Variants in GLB1 observed in about 807,000 individuals in gnomAD.
The protein encoded by GLB1 is galactosidase beta 1.
GLB1 carries 56 observed loss-of-function variants against 74.0 expected under a neutral mutation model. The observed-to-expected ratio is 0.76, with a 90% CI of 0.61 to 0.94. The LOEUF (loss-of-function observed/expected upper bound fraction) is 0.94, where lower values mean the gene tolerates loss of function less well. Among genes scored for constraint, GLB1 ranks in the 40% least tolerant of loss-of-function variants. The pLI is 0.00. For missense variants in GLB1, 787 were observed against 845.5 expected (o/e 0.93, Z 0.86); for synonymous variants, 323 against 323.6 (o/e 1.00, Z 0.02).
the GLB1 span, among the ~76,000 whole-genome samples, chr3:32,979,638 C>G: frequency 6.6e-6 from 1 of 151,272 alleles, no homozygotes; most frequent in East Asian, 1.9e-4. Context: ...GGATTTCTTG[C>G]GAATAAGACT....
chr3:32,964,600 T>G, the GLB1 span, among the ~76,000 whole-genome samples: 1 of 152,260 alleles, frequency 6.6e-6, no homozygotes, highest in Non-Finnish European at 1.5e-5. Flanking sequence ...GTCTGATTGA[T>G]GTCTAGGTAC....
rs909939877 is a variant in GLB1 at position 33,092,165 on chromosome 3, G to A, written c.75+4846C>T. ...ATGGCGCCCACCGTTCTTCTCCCCT[G>A]ACCTTGCCCCCAAAGGCCCAGGAGC... On this transcript the variant is annotated intron_variant, in intron 1 of 15. Coordinates refer to ENST00000307363, the MANE Select transcript of GLB1 (RefSeq NM_000404.4). 1.7e-5 allele frequency: 17 copies of A among 985,508 alleles called. No individual in the cohort carries two copies. In the East Asian group the frequency reaches 1.1e-3, roughly 66 times the overall value. 61.0% of individuals were successfully genotyped at this position (985,508 alleles called of 1,614,324 possible). A position where few individuals can be genotyped will look rare whatever the true frequency, so the allele number is the denominator to read the frequency against.
intron 1 of GLB1, among the ~76,000 whole-genome samples, chr3:33,087,048 AAAAAG>A (rs1408169436): frequency 6.6e-6 from 1 of 152,112 alleles, no homozygotes; most frequent in African/African-American, 2.4e-5. Context: ...TAGATTTAAA[AAAAAG>A]AAGATATAAA....
intron 10 of GLB1, among the ~76,000 whole-genome samples, chr3:33,044,691 T>A (rs1698670445): frequency 6.6e-6 from 1 of 152,154 alleles, no homozygotes; most frequent in South Asian, 2.1e-4. Context: ...TTTTTATATT[T>A]AAAAAATTTG....
At chr3:33,018,596 T>C (rs1367928310) in intron 12 of GLB1, 35 bp from the exon 13 acceptor site, 1 of 1,605,746 alleles carries the variant, frequency 6.2e-7, no homozygotes. Flanking sequence ...AATACATCAC[T>C]ATTGCCATTC....
At chr3:33,077,714 A>T (rs1456353909) in intron 1 of GLB1, among the ~76,000 whole-genome samples, 1 of 150,152 alleles carries the variant, frequency 6.7e-6, no homozygotes, top group African/African-American at 2.5e-5. Context: ...AGCCAATGGT[A>T]CGTTTTGATT....
intron 12 of GLB1, among the ~76,000 whole-genome samples, chr3:33,019,656 C>T (rs1254931496): frequency 1.3e-5 from 2 of 152,164 alleles, no homozygotes; most frequent in Non-Finnish European, 2.9e-5. Flanking sequence ...ACCTCCCGCC[C>T]AGGCTCCACA....
chr3:33,096,697 C>T (rs1701044822), intron 1 of GLB1: 2 of 1,187,662 alleles, frequency 1.7e-6, no homozygotes, highest in African/African-American at 3.2e-5. Flanking sequence ...GGAAAGCCAA[C>T]TTAGGAAATG....
At chr3:33,080,278 C>T (rs766980681) in intron 1 of GLB1, among the ~76,000 whole-genome samples, 2 of 152,138 alleles carry the variant, frequency 1.3e-5, no homozygotes, top group Non-Finnish European at 2.9e-5. Flanking sequence ...CGGGGTTTCA[C>T]CACGTTGGCC....
intron 7 of GLB1, 86 bp downstream of exon 7, chr3:33,053,405 C>T (rs1289108984): frequency 1.6e-5 from 26 of 1,601,168 alleles, no homozygotes; most frequent in African/African-American, 5.4e-5. Context: ...GAGCCAAAAA[C>T]ATCAAGGGCC....
At chr3:33,018,426 A>ATAGTT (rs779599335) in intron 13 of GLB1, 22 bp downstream of exon 13, 4 of 1,612,438 alleles carry the variant, frequency 2.5e-6, no homozygotes, top group Admixed American at 3.3e-5. Context: ...GACAAAACGC[A>ATAGTT]CAGTTCAGAG....
chr3:32,997,240 TG>T lies in GLB1; in HGVS notation c.1838del (p.Pro613GlnfsTer24). ...VPQHILMTSA[P>X]NTITVLELEW... ...CCAGTTCCAGCACGGTGATGGTGTT[TG>T]GGGCCGAGGTCATCAGGATGTGCTG... On this transcript the variant is annotated frameshift_variant, in exon 16 of 16. Transcript: ENST00000307363. LOFTEE classifies it low-confidence loss of function (END_TRUNC). 2 of 1,614,182 alleles carry T rather than the reference TG, an allele frequency of 1.2e-6. No individual in the cohort carries two copies. The highest frequency in any genetic ancestry group is 1.7e-6 in the Non-Finnish European group (2 of 1,180,028).
At chr3:33,064,649 C>T (rs1402170784) in intron 5 of GLB1, among the ~76,000 whole-genome samples, 13 of 150,816 alleles carry the variant, frequency 8.6e-5, no homozygotes, top group East Asian at 2.0e-4. Context: ...TGGTGGCATG[C>T]GCCTGTAATC....
At chr3:33,089,957 A>G (rs1700678625) in intron 1 of GLB1, among the ~76,000 whole-genome samples, 3 of 152,238 alleles carry the variant, frequency 2.0e-5, no homozygotes. Flanking sequence ...TAAAAAATAT[A>G]GTTGAGATAA....
rs1166769454 is a variant in GLB1, at chr3:33,061,875, C to CA, written c.552+3587dup. ...GTGGCACTGGCTCAGCTAATCCCCC[C>CA]AAAAGAGAAACATCTGCATATCTGA... On this transcript the variant is annotated intron_variant, in intron 5 of 15. Coordinates refer to ENST00000307363, the MANE Select transcript of GLB1 (RefSeq NM_000404.4). Among the ~76,000 whole-genome samples the CA allele has an allele frequency of 3.9e-5, 6 of 152,284 alleles. No individual in the cohort carries two copies. The East Asian group carries it at 1.2e-3, about 29-fold the overall frequency.
intron 1 of GLB1, chr3:33,092,697 G>A (rs1289498698): frequency 9.7e-6 from 14 of 1,441,494 alleles, no homozygotes; most frequent in Non-Finnish European, 1.3e-5. Flanking sequence ...GTCACTGTTT[G>A]AGTCAGGCTT....
intron 10 of GLB1, among the ~76,000 whole-genome samples, chr3:33,029,270 T>C (rs1455847491): frequency 2.0e-5 from 3 of 152,202 alleles, no homozygotes; most frequent in Non-Finnish European, 4.4e-5. Flanking sequence ...TCAGAAATGT[T>C]GCTTCTCATA....
the GLB1 span, among the ~76,000 whole-genome samples, chr3:32,961,610 A>G: frequency 6.6e-6 from 1 of 152,246 alleles, no homozygotes; most frequent in Non-Finnish European, 1.5e-5. Flanking sequence ...AACTGCTGCC[A>G]TCGCCTTCGT....
chr3:33,076,451 A>G (rs1387844943), intron 1 of GLB1, among the ~76,000 whole-genome samples: 3 of 152,308 alleles, frequency 2.0e-5, no homozygotes, highest in Non-Finnish European at 4.4e-5. Context: ...AGGACCAGAT[A>G]TGTGTTTTCA....
Sources: gnomAD v4.1 joint callset for allele counts (sites outside exome capture counted in the v4.1 genomes callset) on GRCh38, gnomAD v4.1.1 for gene constraint, MANE v1.5 for transcripts, NCBI Gene and HGNC (gene_info 2026-07-23, HGNC 2026-07-21) for gene names.